The following SPEF2 variants were observed in gnomAD, a reference collection of about 807,000 sequenced individuals.
The protein encoded by SPEF2 is sperm flagellar and cilia associated 2, also known as sperm flagella and cilia-associated protein 2.
Under a neutral mutation model 224.6 loss-of-function variants are expected in SPEF2, and 187 were observed. That is an observed-to-expected ratio of 0.83 (90% confidence interval 0.74 to 0.94). The LOEUF (loss-of-function observed/expected upper bound fraction) is 0.94. Among genes scored for constraint, SPEF2 ranks in the 40% least tolerant of loss-of-function variants. The pLI is 0.00. For missense variants in SPEF2, 2,170 were observed against 2,135.6 expected, an observed-to-expected ratio of 1.02 and a Z score of -0.32; for synonymous variants, 715 against 707.3, an observed-to-expected ratio of 1.01 and a Z score of -0.17.
intron 16 of SPEF2, among the ~76,000 whole-genome samples, chr5:35,703,150 A>G (rs549721094): frequency 2.6e-5 from 4 of 151,116 alleles, no homozygotes; most frequent in African/African-American, 9.7e-5. Flanking sequence ...GGGTCTCTCT[A>G]TATATATATG....
Position 35,788,334 on chromosome 5 carries a change from G to T in SPEF2, c.4448-4006G>T, listed in dbSNP as rs916155625. On this transcript the variant is annotated intron_variant, in intron 30 of 36. Transcript: ENST00000356031. ...ATGTGCAAATTAGATGATATGAAAG[G>T]TGTTGATATTGGCCCAGTATTCAGA... 4 of 702,862 alleles carry T rather than the reference G, an allele frequency of 5.7e-6. No homozygotes were observed. In the African/African-American group the frequency reaches 7.0e-5, roughly 12 times the overall value. The allele number at this position is 702,862 out of a possible 1,614,324, so 43.5% of individuals were successfully genotyped here. A position where few individuals can be genotyped will look rare whatever the true frequency, so the allele number is the denominator to read the frequency against.
intron 10 of SPEF2, among the ~76,000 whole-genome samples, chr5:35,690,285 A>G (rs1045236648): frequency 6.6e-6 from 1 of 152,094 alleles, no homozygotes; most frequent in African/African-American, 2.4e-5. Flanking sequence ...TGGTCACTCT[A>G]CTGATTTATT....
intron 25 of SPEF2, 25 bp downstream of exon 25, chr5:35,759,744 T>A: frequency 6.7e-7 from 1 of 1,492,340 alleles, no homozygotes; most frequent in Non-Finnish European, 9.0e-7. Flanking sequence ...TATATCACAC[T>A]GTAATTGTTT....
intron 26 of SPEF2, among the ~76,000 whole-genome samples, chr5:35,770,015 G>GTGTA (rs1752593474): frequency 7.3e-6 from 1 of 137,624 alleles, no homozygotes; most frequent in South Asian, 2.2e-4. Context: ...GTGTGTGTGT[G>GTGTA]TGTGTGTGCA....
chr5:35,756,349 G>A (rs887061454), intron 24 of SPEF2, among the ~76,000 whole-genome samples: 1 of 152,198 alleles, frequency 6.6e-6, no homozygotes, highest in African/African-American at 2.4e-5. Context: ...ATAAGGGAGT[G>A]TCTACTGTAT....
At chr5:35,690,937 G>A (rs1470611064) in intron 10 of SPEF2, 100 bp from the exon 11 acceptor site, 2 of 854,080 alleles carry the variant, frequency 2.3e-6, no homozygotes, top group Non-Finnish European at 3.5e-6. Flanking sequence ...ATTGGCTTTT[G>A]TTGGCTATAA....
At chr5:35,778,297 T>C (rs530447016) in intron 29 of SPEF2, among the ~76,000 whole-genome samples, 128 of 152,214 alleles carry the variant, frequency 8.4e-4, no homozygotes, top group Non-Finnish European at 1.4e-3. Flanking sequence ...TAAAAGGTCA[T>C]TAACTATACC....
At chr5:35,657,948 A>C (rs1749177219) in intron 7 of SPEF2, among the ~76,000 whole-genome samples, 3 of 152,180 alleles carry the variant, frequency 2.0e-5, no homozygotes, top group Admixed American at 2.0e-4. Flanking sequence ...GCAGTGCCCT[A>C]TTCCTCTATA....
chr5:35,763,655 T>C lies in SPEF2; in HGVS notation c.3754T>C (p.Leu1252=), dbSNP rs1561326194. 1.9e-6 allele frequency: 3 copies of C among 1,613,790 alleles called. No homozygotes were observed. Among genetic ancestry groups the C allele is most frequent in the South Asian group, 1.1e-5 (1 of 90,998 alleles). The stretch of plus-strand genomic sequence containing the variant: ...GTCCAACTTTGAGGCCGATGAAAAG[T>C]TGGTCATGGACACCTGGCAGCAGGC... ...VESNFEADEK[L]VMDTWQQASL... Residue 1252 remains leucine (L), a synonymous_variant, in exon 26 of 37, where the codon TTG becomes CTG. Coordinates refer to ENST00000356031, the MANE Select transcript of SPEF2 (RefSeq NM_024867.4).
At chr5:35,722,574 G>A (rs375461093) in intron 20 of SPEF2, among the ~76,000 whole-genome samples, 4,790 of 71,064 alleles carry the variant, frequency 0.067, 162 homozygotes, top group African/African-American at 0.096. Context: ...ATGCTGGTGC[G>A]CTGCACCCAC....
At chr5:35,705,023 T>C (rs1022451432) in intron 17 of SPEF2, among the ~76,000 whole-genome samples, 8 of 152,070 alleles carry the variant, frequency 5.3e-5, no homozygotes, top group African/African-American at 1.9e-4. Flanking sequence ...ACTTCTATTT[T>C]GCTAAAATAA....
At chr5:35,671,450 T>C (rs1751206793) in intron 10 of SPEF2, 2 of 979,326 alleles carry the variant, frequency 2.0e-6, no homozygotes. Flanking sequence ...TGTACGGTTG[T>C]AAAATATACT....
At chr5:35,649,884 C>T (rs1222149689) in intron 6 of SPEF2, among the ~76,000 whole-genome samples, 1 of 152,126 alleles carries the variant, frequency 6.6e-6, no homozygotes. Flanking sequence ...TTTGGTGGGT[C>T]CATTGAACAA....
chr5:35,759,729 G>T lies in SPEF2; in HGVS notation c.3620+10G>T. 4.5e-6 allele frequency: 7 copies of T among 1,557,896 alleles called. No individual in the cohort carries two copies. Among genetic ancestry groups the T allele is most frequent in the Non-Finnish European group, 6.1e-6 (7 of 1,142,840 alleles). ...CTGAAAGCCAGCTTAGGTAAGGCAGGCTATTATATCACACTGTAATTGTTT... is the reference window on the plus strand; with the variant it reads ...CTGAAAGCCAGCTTAGGTAAGGCAGTCTATTATATCACACTGTAATTGTTT... On this transcript the variant is annotated intron_variant, in intron 25 of 36. Transcript: ENST00000356031.
chr5:35,771,315 G>A (rs557367673), intron 26 of SPEF2, among the ~76,000 whole-genome samples: 2 of 152,216 alleles, frequency 1.3e-5, no homozygotes, highest in Admixed American at 1.3e-4. Context: ...CATAACCATG[G>A]AGTTGTGACA....
intron 20 of SPEF2, among the ~76,000 whole-genome samples, chr5:35,725,878 C>T (rs1398096600): frequency 6.6e-6 from 1 of 152,072 alleles, no homozygotes; most frequent in African/African-American, 2.4e-5. Flanking sequence ...GTAATATGTA[C>T]CTTCACCATA....
intron 8 of SPEF2, 74 bp from the exon 9 acceptor site, chr5:35,666,998 G>C (rs993937571): frequency 1.5e-6 from 2 of 1,362,818 alleles, no homozygotes; most frequent in Non-Finnish European, 2.0e-6. Context: ...AAGACTTTTT[G>C]GCCATTGAAA....
Position 35,806,875 on chromosome 5 carries a change from G to A in SPEF2, c.5179G>A (p.Val1727Met), listed in dbSNP as rs1190074268. Reference sequence around the variant, plus strand: ...GATGTCCATGGAAACACTACTCAAAGTGTTCAAAGGGGGAAGTGAAGCACA... The same window carrying A: ...GATGTCCATGGAAACACTACTCAAAATGTTCAAAGGGGGAAGTGAAGCACA... ...EKMSMETLLK[V>M]FKGGSEAQDS... Residue 1727 changes from valine to methionine, a missense_variant, in exon 35 of 37, where the codon GTG (valine) becomes ATG (methionine). Transcript: ENST00000356031. 6.2e-7 allele frequency: 1 copy of A among 1,614,000 alleles called. No homozygotes were observed. The highest frequency in any genetic ancestry group is 1.3e-5 in the African/African-American group (1 of 74,934).
chr5:35,652,714 G>T (rs1173219132), intron 6 of SPEF2, among the ~76,000 whole-genome samples: 2 of 152,108 alleles, frequency 1.3e-5, no homozygotes, highest in Non-Finnish European at 2.9e-5. Context: ...GAGATCAGCT[G>T]GGAGGCGCAA....
Sources: gnomAD v4.1 joint callset for allele counts (sites outside exome capture counted in the v4.1 genomes callset) on GRCh38, gnomAD v4.1.1 for gene constraint, MANE v1.5 for transcripts, NCBI Gene and HGNC (gene_info 2026-07-23, HGNC 2026-07-21) for gene names.